UNC5D: variants seen among roughly 807,000 people sequenced by gnomAD.
The protein encoded by UNC5D is netrin receptor UNC5D.
In UNC5D, 39 loss-of-function variants were observed where a neutral mutation model predicts 105.4. The observed-to-expected ratio is 0.37, with a 90% confidence interval of 0.29 to 0.48. The LOEUF is 0.48. UNC5D is among the 20% of genes least tolerant of loss of function. The pLI is 0.98. For synonymous variants in UNC5D, 452 were observed against 450.4 expected, an observed-to-expected ratio of 1.00 and a Z score of -0.04; for missense variants, 991 against 1,202.4, an observed-to-expected ratio of 0.82 and a Z score of 2.60.
chr8:35,492,214 G>A (rs1314399929), intron 1 of UNC5D, among the ~76,000 whole-genome samples: 1 of 151,456 alleles, frequency 6.6e-6, no homozygotes, highest in Non-Finnish European at 1.5e-5. Context: ...AGATAGCTAT[G>A]TTATTACTCT....
chr8:35,588,748 G>A (rs1013914147), intron 3 of UNC5D, among the ~76,000 whole-genome samples: 1 of 152,096 alleles, frequency 6.6e-6, no homozygotes, highest in Non-Finnish European at 1.5e-5. Flanking sequence ...GCAAATTAAG[G>A]ATTACCTACC....
In UNC5D at chr8:35,683,645, C is replaced by T; in HGVS notation, c.669C>T (p.Leu223=). The T allele has an allele frequency of 6.3e-7, 1 of 1,578,366 alleles. No individual in the cohort carries two copies. Among genetic ancestry groups the T allele is most frequent in the Admixed American group, 2.0e-5 (1 of 50,334 alleles). ...DHNLIIRQAR[L]SDSGNYTCMA... ...ACCTGATCATCAGGCAGGCACGGCTCTCGGACTCAGGAAATTACACCTGCA... is the reference window on the plus strand; with the variant it reads ...ACCTGATCATCAGGCAGGCACGGCTTTCGGACTCAGGAAATTACACCTGCA... The change falls in exon 5 of 17, where the codon CTC becomes CTT. Residue 223 remains leucine (L), a synonymous_variant. Coordinates refer to ENST00000404895, the MANE Select transcript of UNC5D (RefSeq NM_080872.4).
intron 4 of UNC5D, among the ~76,000 whole-genome samples, chr8:35,658,502 C>G (rs1823908199): frequency 6.6e-6 from 1 of 152,144 alleles, no homozygotes; most frequent in Middle Eastern, 3.4e-3. Context: ...GGCTGGTGGT[C>G]TGCAAGTACC....
chr8:35,388,608 G>T (rs969578559), intron 1 of UNC5D, among the ~76,000 whole-genome samples: 1 of 152,256 alleles, frequency 6.6e-6, no homozygotes, highest in Non-Finnish European at 1.5e-5. Flanking sequence ...TACATAGTAT[G>T]GTTGTAGATT....
At chr8:35,595,207 C>A (rs919207201) in intron 3 of UNC5D, among the ~76,000 whole-genome samples, 1 of 152,058 alleles carries the variant, frequency 6.6e-6, no homozygotes, top group African/African-American at 2.4e-5. Context: ...CTGTGGATGG[C>A]AATTTATTAG....
intron 8 of UNC5D, among the ~76,000 whole-genome samples, chr8:35,708,415 CTTAAA>C (rs1328780782): frequency 6.6e-6 from 1 of 152,198 alleles, no homozygotes; most frequent in African/African-American, 2.4e-5. Context: ...TTCTGCACAT[CTTAAA>C]TTATCTTCAG....
chr8:35,703,715 T>C (rs1827358192), intron 7 of UNC5D, among the ~76,000 whole-genome samples: 2 of 152,202 alleles, frequency 1.3e-5, no homozygotes, highest in Non-Finnish European at 2.9e-5. Flanking sequence ...CTACCCAGAG[T>C]AATCTTCGTT....
chr8:35,588,427 A>C (rs1214677440), intron 3 of UNC5D, among the ~76,000 whole-genome samples: 1 of 152,180 alleles, frequency 6.6e-6, no homozygotes, highest in Non-Finnish European at 1.5e-5. Context: ...GTGTGTTTTT[A>C]GGCCTGTGAG....
intron 10 of UNC5D, among the ~76,000 whole-genome samples, chr8:35,729,328 CT>C (rs1298457652): frequency 6.6e-6 from 1 of 152,146 alleles, no homozygotes; most frequent in East Asian, 1.9e-4. Context: ...GTCTCGGACC[CT>C]GTCTTTTTTA....
chr8:35,544,130 G>T (rs1026941794), intron 1 of UNC5D, among the ~76,000 whole-genome samples: 1 of 152,182 alleles, frequency 6.6e-6, no homozygotes, highest in Non-Finnish European at 1.5e-5. Flanking sequence ...GAGAGTTTCT[G>T]TGTCTCTTAA....
intron 2 of UNC5D, among the ~76,000 whole-genome samples, chr8:35,562,098 C>T (rs1817008832): frequency 6.6e-6 from 1 of 152,118 alleles, no homozygotes; most frequent in Admixed American, 6.5e-5. Flanking sequence ...TTTTTCAGTT[C>T]CCACATATGA....
chr8:35,560,798 G>A (rs1816900815), intron 2 of UNC5D, among the ~76,000 whole-genome samples: 1 of 152,204 alleles, frequency 6.6e-6, no homozygotes, highest in East Asian at 1.9e-4. Context: ...TTTGGGAGCA[G>A]TTGTTTTATA....
At chr8:35,560,895 C>G (rs1816907433) in intron 2 of UNC5D, among the ~76,000 whole-genome samples, 1 of 152,178 alleles carries the variant, frequency 6.6e-6, no homozygotes, top group African/African-American at 2.4e-5. Flanking sequence ...GCATTTTCCT[C>G]CCAACTGTGG....
chr8:35,600,076 G>A (rs375722800), intron 4 of UNC5D, among the ~76,000 whole-genome samples: 1 of 152,240 alleles, frequency 6.6e-6, no homozygotes, highest in South Asian at 2.1e-4. Flanking sequence ...CCTTGGGATA[G>A]TTTGCTGAGA....
At chr8:35,630,700 C>T (rs544214803) in intron 4 of UNC5D, among the ~76,000 whole-genome samples, 53 of 152,172 alleles carry the variant, frequency 3.5e-4, no homozygotes, top group African/African-American at 1.2e-3. Context: ...ATTCGTAAGG[C>T]GGGAAAAAGG....
In UNC5D at chr8:35,728,986, T is replaced by C. The variant is rs574938568; in HGVS notation, c.1682-2026T>C. Among the ~76,000 whole-genome samples the C allele has an allele frequency of 3.3e-5, 5 of 152,278 alleles. No individual in the cohort carries two copies. In the East Asian group the frequency reaches 9.7e-4, roughly 29 times the overall value. ...TTCTTCACTATCTGTAACTTGCCACTCCCCATGTGCCTTTGTGTATGACTA... is the reference window on the plus strand; with the variant it reads ...TTCTTCACTATCTGTAACTTGCCACCCCCCATGTGCCTTTGTGTATGACTA... On this transcript the variant is annotated intron_variant, in intron 10 of 16. Coordinates refer to ENST00000404895, the MANE Select transcript of UNC5D (RefSeq NM_080872.4).
chr8:35,744,311 G>A (rs1397768866), intron 11 of UNC5D, among the ~76,000 whole-genome samples: 2 of 152,202 alleles, frequency 1.3e-5, no homozygotes, highest in Non-Finnish European at 1.5e-5. Flanking sequence ...TGTCTGCTGT[G>A]AAGTACTATT....
intron 1 of UNC5D, among the ~76,000 whole-genome samples, chr8:35,453,365 G>C (rs1434706399): frequency 6.6e-6 from 1 of 152,010 alleles, no homozygotes; most frequent in African/African-American, 2.4e-5. Context: ...TTGAAAAATG[G>C]GTGTGCTAAA....
chr8:35,766,724 G>A (rs1416871549), intron 14 of UNC5D, among the ~76,000 whole-genome samples, 178 bp from the exon 15 acceptor site: 1 of 152,200 alleles, frequency 6.6e-6, no homozygotes, highest in Non-Finnish European at 1.5e-5. Flanking sequence ...GCATTTGCTG[G>A]AACATTATTT....
Sources: allele counts gnomAD v4.1 joint callset (sites outside exome capture counted in the v4.1 genomes callset), GRCh38; gene constraint gnomAD v4.1.1; transcripts MANE v1.5; gene names NCBI Gene and HGNC (gene_info 2026-07-23, HGNC 2026-07-21).